BCL10: variants seen among roughly 807,000 people sequenced by gnomAD.
BCL10 encodes BCL10 immune signaling adaptor.
In BCL10, 5 loss-of-function variants were observed where a neutral mutation model predicts 19.2. That is an observed-to-expected ratio of 0.26 (90% CI 0.14 to 0.55). BCL10 has a LOEUF of 0.55. BCL10 is among the 20% of genes least tolerant of loss of function. BCL10 has a pLI of 0.94. For synonymous variants in BCL10, 110 were observed against 98.8 expected (o/e 1.11, Z -0.67); for missense variants, 201 against 271.9 (o/e 0.74, Z 1.83).
At chr1:85,270,387 C>G (rs1310623033) in intron 2 of BCL10, among the ~76,000 whole-genome samples, 1 of 152,208 alleles carries the variant, frequency 6.6e-6, no homozygotes, top group Non-Finnish European at 1.5e-5. Context: ...ATCCTCCCAC[C>G]TCAGCCTCCT....
chr1:85,268,318 T>C (rs1031271216), intron 2 of BCL10, among the ~76,000 whole-genome samples: 1 of 152,216 alleles, frequency 6.6e-6, no homozygotes, highest in African/African-American at 2.4e-5. Flanking sequence ...TATTCTTTAG[T>C]ATTCTGGTAC....
chr1:85,276,184 G>T (rs1041034222), intron 1 of BCL10, 112 bp downstream of exon 1: 2 of 1,377,866 alleles, frequency 1.5e-6, no homozygotes, highest in South Asian at 1.2e-5. Context: ...AGGACTTTCC[G>T]CTCCTCCGAC....
At chr1:85,271,694 C>T (rs896148274) in intron 1 of BCL10, among the ~76,000 whole-genome samples, 1 of 152,076 alleles carries the variant, frequency 6.6e-6, no homozygotes, top group Non-Finnish European at 1.5e-5. Context: ...TAATTAACTC[C>T]TCTGTGCTTG....
In BCL10 at chr1:85,267,227, A is replaced by C. The variant is rs1660224678; in HGVS notation, c.*400T>G. ...GAACAGGAACAGCTTAATGCTGAAA[A>C]TTTGCTGCTGAATGACTGGCAAAGA... On this transcript the variant is annotated 3_prime_UTR_variant, in exon 3 of 3. Coordinates refer to ENST00000648566, the MANE Select transcript of BCL10 (RefSeq NM_003921.5). 4.7e-6 allele frequency: 1 copy of C among 214,246 alleles called. No individual in the cohort carries two copies. The highest frequency in any genetic ancestry group is 1.7e-4 in the South Asian group (1 of 5,906). 13.3% of individuals were successfully genotyped at this position (214,246 alleles called of 1,614,324 possible).
intron 2 of BCL10, among the ~76,000 whole-genome samples, chr1:85,268,465 T>C (rs1422081228): frequency 1.3e-5 from 2 of 152,170 alleles, no homozygotes; most frequent in African/African-American, 4.8e-5. Flanking sequence ...GATAGTCTCT[T>C]ATTATTAAAG....
Position 85,267,804 on chromosome 1 carries a change from A to G in BCL10, c.525T>C (p.Pro175=). 1 of 1,614,278 alleles carries G rather than the reference A, an allele frequency of 6.2e-7. No individual in the cohort carries two copies. Among genetic ancestry groups the G allele is most frequent in the East Asian group, 2.2e-5 (1 of 44,884 alleles). Residue 175 remains proline, a synonymous_variant, in exon 3 of 3, where the codon CCT becomes CCC. Coordinates refer to ENST00000648566, the MANE Select transcript of BCL10 (RefSeq NM_003921.5). Reference sequence around the variant, plus strand: ...TTTCAGTTCTGCCTACTTCTAGAACAGGCAAATTCAGAGAAGAATTAGTAG... The same window carrying G: ...TTTCAGTTCTGCCTACTTCTAGAACGGGCAAATTCAGAGAAGAATTAGTAG... The part of the protein sequence containing the change: ...FFSTNSSLNL[P]VLEVGRTENT...
chr1:85,273,881 T>C (rs1350540768), intron 1 of BCL10, among the ~76,000 whole-genome samples: 3 of 151,762 alleles, frequency 2.0e-5, no homozygotes, highest in Admixed American at 1.3e-4. Context: ...CCTACTATAC[T>C]TGGGGGGAAA....
In BCL10 at chr1:85,267,634, C is replaced by T. The variant is rs547793946; in HGVS notation, c.695G>A (p.Arg232Gln). The T allele has an allele frequency of 3.2e-5, 50 of 1,579,312 alleles. No individual in the cohort carries two copies. The East Asian group carries it at 3.4e-4, about 11-fold the overall frequency. Residue 232 changes from arginine (R) to glutamine (Q), a missense_variant, in exon 3 of 3, where the codon CGA (arginine) becomes CAA (glutamine). Transcript: ENST00000648566. ...FLPLRSRTVS[R>Q]Q ...TTAAAAGGCAATAAAGTGTCATTGT[C>T]GTGAAACAGTACGTGATCTTAAGGG...
At chr1:85,272,544 T>A (rs1415726728) in intron 1 of BCL10, among the ~76,000 whole-genome samples, 1 of 151,894 alleles carries the variant, frequency 6.6e-6, no homozygotes, top group Non-Finnish European at 1.5e-5. Flanking sequence ...GCCCAGCAAA[T>A]TCTAATATTG....
chr1:85,273,660 C>T (rs909591240), intron 1 of BCL10, among the ~76,000 whole-genome samples: 1 of 152,178 alleles, frequency 6.6e-6, no homozygotes, highest in African/African-American at 2.4e-5. Flanking sequence ...TTCAATCCAT[C>T]ACCAGGTCAT....
In BCL10 at chr1:85,267,056, C is replaced by A. The variant is rs17124475; in HGVS notation, c.*571G>T. 1 of 189,626 alleles carries A rather than the reference C, an allele frequency of 5.3e-6. No homozygotes were observed. The allele number at this position is 189,626 out of a possible 1,614,324, so 11.7% of individuals were successfully genotyped here. ...TAATTAGAAATGAATTTTGGCAAACCGAGATCTTAGGTGGCTCACACTCCA... is the reference window on the plus strand; with the variant it reads ...TAATTAGAAATGAATTTTGGCAAACAGAGATCTTAGGTGGCTCACACTCCA... On this transcript the variant is annotated 3_prime_UTR_variant, in exon 3 of 3. Coordinates refer to ENST00000648566, the MANE Select transcript of BCL10 (RefSeq NM_003921.5).
At chr1:85,270,982 T>C in intron 1 of BCL10, 76 bp from the exon 2 acceptor site, 7 of 1,416,450 alleles carry the variant, frequency 4.9e-6, no homozygotes, top group Non-Finnish European at 6.8e-6. Flanking sequence ...TAGTTGGCAG[T>C]CTTAGCTGGT....
Position 85,267,867 on chromosome 1 carries a change from G to A in BCL10, c.462C>T (p.Tyr154=), listed in dbSNP as rs1557785158. ...SEKLRASTVM[Y]HPEGESSTTP... is the part of the protein sequence containing the mutation. The stretch of plus-strand genomic sequence containing the variant: ...TCGTGCTGGATTCTCCTTCTGGATG[G>A]TACATGACAGTGGATGCCCTCAGTT... The change falls in exon 3 of 3, where the codon TAC becomes TAT. Residue 154 remains tyrosine, a synonymous_variant. Coordinates refer to ENST00000648566, the MANE Select transcript of BCL10 (RefSeq NM_003921.5). 20 of 1,614,022 alleles carry A rather than the reference G, an allele frequency of 1.2e-5. No homozygotes were observed. Among genetic ancestry groups the A allele is most frequent in the Non-Finnish European group, 1.7e-5 (20 of 1,179,992 alleles).
At position 85,270,921 on chromosome 1, in the gene BCL10, A is replaced by C. The variant is rs1201944690; in HGVS notation, c.58-15T>G. 3 of 1,592,328 alleles carry C rather than the reference A, an allele frequency of 1.9e-6. No individual in the cohort carries two copies. The South Asian group carries it at 3.4e-5, about 18-fold the overall frequency. ...TTTTCTAAGGCCTAAAAGACATAAA[A>C]TATGGTTCAATGTTATTTTTAACAT... On this transcript the variant is annotated splice_polypyrimidine_tract_variant and intron_variant, in intron 1 of 2. Transcript: ENST00000648566.
At chr1:85,269,184 C>G (rs1660292205) in intron 2 of BCL10, among the ~76,000 whole-genome samples, 1 of 152,212 alleles carries the variant, frequency 6.6e-6, no homozygotes, top group Non-Finnish European at 1.5e-5. Flanking sequence ...GATGCTGGCG[C>G]CATGGTCTTG....
intron 2 of BCL10, among the ~76,000 whole-genome samples, chr1:85,270,243 A>C (rs1437405276): frequency 6.6e-6 from 1 of 152,222 alleles, no homozygotes; most frequent in Non-Finnish European, 1.5e-5. Context: ...TTGAAGTTTA[A>C]ACTTTTTGAA....
intron 2 of BCL10, 92 bp downstream of exon 2, chr1:85,270,526 G>A (rs903851293): frequency 8.8e-7 from 1 of 1,140,206 alleles, no homozygotes; most frequent in African/African-American, 1.6e-5. Context: ...CTCCTGCCTT[G>A]GCCTCCTAAA....
rs1034855234 is a variant in BCL10 at position 85,273,544 on chromosome 1, A to T, written c.58-2638T>A. 2.0e-5 allele frequency among the ~76,000 whole-genome samples: 3 copies of T among 152,104 alleles called. No individual in the cohort carries two copies. The South Asian group carries it at 6.2e-4, about 32-fold the overall frequency. On this transcript the variant is annotated intron_variant, in intron 1 of 2. Coordinates refer to ENST00000648566, the MANE Select transcript of BCL10 (RefSeq NM_003921.5). ...TAAAATCATTCAATTCCACACTTACATTTCTAGCTCAGATCTCTCTTCTGA... is the reference window on the plus strand; with the variant it reads ...TAAAATCATTCAATTCCACACTTACTTTTCTAGCTCAGATCTCTCTTCTGA...
chr1:85,276,414 T>C lies in BCL10; in HGVS notation c.-62A>G. 3 of 1,575,268 alleles carry C rather than the reference T, an allele frequency of 1.9e-6. No individual in the cohort carries two copies. The highest frequency in any genetic ancestry group is 2.6e-6 in the Non-Finnish European group (3 of 1,146,162). ...GAGCTCGGGCTGCGCCGCCCCGCCC[T>C]GGCTGGGGGCTTCGGCCTCCGGGTA... On this transcript the variant is annotated 5_prime_UTR_variant, in exon 1 of 3. Transcript: ENST00000648566.
Sources: gnomAD v4.1 joint callset for allele counts (sites outside exome capture counted in the v4.1 genomes callset) on GRCh38, gnomAD v4.1.1 for gene constraint, MANE v1.5 for transcripts, NCBI Gene and HGNC (gene_info 2026-07-23, HGNC 2026-07-21) for gene names.